Variants in DGKG observed in about 807,000 individuals in gnomAD.
The protein encoded by DGKG is DAG kinase gamma.
DGKG carries 78 observed loss-of-function variants against 105.3 expected under a neutral mutation model. The ratio of observed to expected loss-of-function variants is 0.74; its 90% CI spans 0.62 to 0.89. The LOEUF (loss-of-function observed/expected upper bound fraction) is 0.89. Among genes scored for constraint, DGKG ranks in the 40% least tolerant of loss-of-function variants. DGKG has a pLI of 0.00. For synonymous variants in DGKG, 346 were observed against 367.1 expected, an observed-to-expected ratio of 0.94 and a Z score of 0.66; for missense variants, 958 against 1,020.1, an observed-to-expected ratio of 0.94 and a Z score of 0.83.
intron 12 of DGKG, among the ~76,000 whole-genome samples, chr3:186,268,319 G>C (rs1283786251): frequency 6.6e-6 from 1 of 152,236 alleles, no homozygotes; most frequent in Non-Finnish European, 1.5e-5. Flanking sequence ...TGGGTGTCTA[G>C]TGGGGCTGTG....
chr3:186,270,211 G>A (rs375661464), intron 11 of DGKG, among the ~76,000 whole-genome samples: 4 of 152,078 alleles, frequency 2.6e-5, no homozygotes, highest in Admixed American at 1.3e-4. Context: ...CTGCAGCCTC[G>A]ATCCTCCAGG....
At chr3:186,272,720 G>A (rs970402108) in intron 10 of DGKG, among the ~76,000 whole-genome samples, 5 of 152,086 alleles carry the variant, frequency 3.3e-5, no homozygotes, top group African/African-American at 4.8e-5. Context: ...GAAAGGCCAG[G>A]GCTTTTTTTT....
At chr3:186,165,086 A>T in intron 22 of DGKG, 68 bp from the exon 23 acceptor site, 1 of 1,534,974 alleles carries the variant, frequency 6.5e-7, no homozygotes, top group South Asian at 1.3e-5. Context: ...TCTGGCCAGA[A>T]AGTCTGGTCC....
chr3:186,319,792 G>T (rs1026357712), intron 2 of DGKG, among the ~76,000 whole-genome samples: 3 of 152,186 alleles, frequency 2.0e-5, no homozygotes, highest in African/African-American at 7.2e-5. Flanking sequence ...GCACTGAATT[G>T]GTTCTGGGGC....
rs1560143759 is a variant in DGKG at position 186,302,529 on chromosome 3, TATAC to T, written c.145-4304_145-4301del. 1.8e-4 allele frequency among the ~76,000 whole-genome samples: 10 copies of T among 55,676 alleles called. 1 individual carries two copies. The highest frequency in any genetic ancestry group is 1.1e-3 in the South Asian group (2 of 1,784). The allele number at this position is 55,676 out of a possible 152,430, so 36.5% of individuals were successfully genotyped here. ...ATACATATGTGTATATATATATATATATACATATGTATATATATATATATATATA... is the reference window on the plus strand; with the variant it reads ...ATACATATGTGTATATATATATATATATATGTATATATATATATATATATA... On this transcript the variant is annotated intron_variant, in intron 3 of 24. Coordinates refer to ENST00000265022, the MANE Select transcript of DGKG (RefSeq NM_001346.3).
chr3:186,270,966 G>A (rs1388958452), intron 11 of DGKG, among the ~76,000 whole-genome samples: 1 of 152,258 alleles, frequency 6.6e-6, no homozygotes, highest in Non-Finnish European at 1.5e-5. Context: ...GTGTCCCGGT[G>A]AAAGGCATGG....
At chr3:186,312,930 C>T (rs1199494634) in intron 2 of DGKG, among the ~76,000 whole-genome samples, 1 of 152,222 alleles carries the variant, frequency 6.6e-6, no homozygotes, top group Non-Finnish European at 1.5e-5. Flanking sequence ...CCCATCTAAA[C>T]TTTGTTTCTG....
At chr3:186,307,606 C>T (rs764028326) in intron 2 of DGKG, among the ~76,000 whole-genome samples, 1 of 152,214 alleles carries the variant, frequency 6.6e-6, no homozygotes, top group Non-Finnish European at 1.5e-5. Flanking sequence ...CTATCTTGCT[C>T]ATCTCCTGCT....
chr3:186,269,003 G>T, intron 11 of DGKG, 86 bp from the exon 12 acceptor site: 2 of 897,066 alleles, frequency 2.2e-6, no homozygotes, highest in Non-Finnish European at 3.6e-6. Context: ...ATCTGGGAGG[G>T]GACGCGGGGG....
chr3:186,280,696 C>G lies in DGKG; in HGVS notation c.643G>C (p.Glu215Gln). The change falls in exon 8 of 25, where the codon GAG becomes CAG. Residue 215 changes from glutamate to glutamine, a missense_variant. This residue lies in a region of DGKG where 643 missense variants were observed against 619.5 expected (regional missense o/e 1.04). Coordinates refer to ENST00000265022, the MANE Select transcript of DGKG (RefSeq NM_001346.3). ...GGCCTCAGCTCTGTGGGATCCCACT[C>G]CAGGTACTGGGCAATATGCAGCATT... ...NQMLHIAQYL[E>Q]WDPTELRPIL... 1 of 1,614,098 alleles carries G rather than the reference C, an allele frequency of 6.2e-7. No individual in the cohort carries two copies. Among genetic ancestry groups the G allele is most frequent in the South Asian group, 1.1e-5 (1 of 91,080 alleles).
At chr3:186,343,892 C>T (rs1726204614) in intron 1 of DGKG, among the ~76,000 whole-genome samples, 1 of 151,926 alleles carries the variant, frequency 6.6e-6, no homozygotes, top group Non-Finnish European at 1.5e-5. Context: ...ACTAAACATT[C>T]CTCAATACCA....
chr3:186,205,162 C>T (rs1047090979), intron 21 of DGKG, among the ~76,000 whole-genome samples: 6 of 147,812 alleles, frequency 4.1e-5, no homozygotes, highest in Admixed American at 6.9e-5. Flanking sequence ...GAGACTGAGG[C>T]GGGAGAATCA....
At position 186,149,833 on chromosome 3, in the gene DGKG, C is replaced by A; in HGVS notation, c.*257G>T. ...ATGTGGAGGTTGCTGCCTAAGCCAG[C>A]CACAACCTCATGGGCCCTAAGTCCA... On this transcript the variant is annotated 3_prime_UTR_variant, in exon 25 of 25. Transcript: ENST00000265022. The A allele has an allele frequency of 1.7e-6, 2 of 1,187,822 alleles. No homozygotes were observed. Among genetic ancestry groups the A allele is most frequent in the Admixed American group, 9.0e-5 (2 of 22,282 alleles). The allele number at this position is 1,187,822 out of a possible 1,614,324, so 73.6% of individuals were successfully genotyped here. A position where few individuals can be genotyped will look rare whatever the true frequency, so the allele number is the denominator to read the frequency against.
At chr3:186,355,165 C>T (rs1406776587) in intron 1 of DGKG, among the ~76,000 whole-genome samples, 1 of 33,970 alleles carries the variant, frequency 2.9e-5, no homozygotes, top group African/African-American at 9.7e-5. Context: ...TCACCACCAT[C>T]ACCCCCACAA....
intron 22 of DGKG, among the ~76,000 whole-genome samples, chr3:186,166,508 T>C (rs1430857899): frequency 2.0e-5 from 3 of 152,242 alleles, no homozygotes; most frequent in Non-Finnish European, 4.4e-5. Flanking sequence ...AAACAATGAA[T>C]GTCTAAACCT....
chr3:186,299,822 T>C (rs908610561), intron 3 of DGKG, among the ~76,000 whole-genome samples: 12 of 109,312 alleles, frequency 1.1e-4, no homozygotes, highest in African/African-American at 4.1e-4. Flanking sequence ...TCTTTCTTTC[T>C]TTCTTTCTTT....
chr3:186,261,648 C>G, intron 15 of DGKG, 51 bp downstream of exon 15: 1 of 1,318,700 alleles, frequency 7.6e-7, no homozygotes, highest in Middle Eastern at 2.6e-4. Flanking sequence ...GGAGGAAGGG[C>G]CTGAGTCGTG....
chr3:186,234,021 C>T (rs1013030664), intron 20 of DGKG, among the ~76,000 whole-genome samples: 5 of 152,174 alleles, frequency 3.3e-5, no homozygotes, highest in Admixed American at 2.0e-4. Context: ...TGGGCTTGAA[C>T]GTAAAATAGG....
intron 22 of DGKG, among the ~76,000 whole-genome samples, chr3:186,166,282 C>T (rs534117727): frequency 2.6e-5 from 4 of 152,306 alleles, no homozygotes; most frequent in East Asian, 1.9e-4. Context: ...AACAGATACA[C>T]GGCTTGCATC....
Sources: gnomAD v4.1 joint callset for allele counts (sites outside exome capture counted in the v4.1 genomes callset) on GRCh38, gnomAD v4.1.1 for gene constraint, gnomAD v4.1.1 regional missense constraint, MANE v1.5 for transcripts, NCBI Gene and HGNC (gene_info 2026-07-23, HGNC 2026-07-21) for gene names.